ARHGAP28: variants seen among roughly 807,000 people sequenced by gnomAD.
The protein encoded by ARHGAP28 is rho GTPase-activating protein 28.
Under a neutral mutation model 90.7 loss-of-function variants are expected in ARHGAP28, and 56 were observed. That is an observed-to-expected ratio of 0.62 (90% confidence interval 0.50 to 0.77). The LOEUF (loss-of-function observed/expected upper bound fraction) is 0.77. ARHGAP28 is among the 30% of genes least tolerant of loss of function. The probability of loss-of-function intolerance (pLI) is 0.00; values close to 1 mark genes in which losing one functional copy is unlikely to be tolerated. For missense variants in ARHGAP28, 869 were observed against 900.9 expected, an observed-to-expected ratio of 0.96 and a Z score of 0.45; for synonymous variants, 308 against 323.3, an observed-to-expected ratio of 0.95 and a Z score of 0.51.
At chr18:6,901,267 T>G (rs1413647683) in intron 16 of ARHGAP28, among the ~76,000 whole-genome samples, 1 of 152,172 alleles carries the variant, frequency 6.6e-6, no homozygotes, top group Non-Finnish European at 1.5e-5. Flanking sequence ...TAAATCACAT[T>G]TGATGAGAGA....
At chr18:6,812,346 T>C (rs1215363427) in intron 1 of ARHGAP28, among the ~76,000 whole-genome samples, 2 of 152,194 alleles carry the variant, frequency 1.3e-5, no homozygotes, top group Non-Finnish European at 2.9e-5. Flanking sequence ...AGTAAATAAG[T>C]GAAATGCAAG....
At chr18:6,803,789 A>AT (rs1383696764) in intron 1 of ARHGAP28, among the ~76,000 whole-genome samples, 2 of 151,372 alleles carry the variant, frequency 1.3e-5, no homozygotes, top group Non-Finnish European at 2.9e-5. Flanking sequence ...TTATTTATTT[A>AT]TTTTTTTGAG....
At chr18:6,751,011 T>C (rs879413629) in intron 1 of ARHGAP28, among the ~76,000 whole-genome samples, 3 of 152,174 alleles carry the variant, frequency 2.0e-5, no homozygotes, top group Non-Finnish European at 4.4e-5. Context: ...TACTCCTCTG[T>C]AGCTGACCCC....
At chr18:6,892,738 A>G (rs1307370923) in intron 14 of ARHGAP28, among the ~76,000 whole-genome samples, 6 of 152,172 alleles carry the variant, frequency 3.9e-5, no homozygotes, top group Admixed American at 2.0e-4. Context: ...TTGTGTGACT[A>G]TGGAAGTCTG....
intron 1 of ARHGAP28, among the ~76,000 whole-genome samples, chr18:6,796,401 C>T (rs921528523): frequency 2.0e-5 from 3 of 152,108 alleles, no homozygotes; most frequent in African/African-American, 7.2e-5. Context: ...CCTGTCTTTC[C>T]CACACATCAA....
chr18:6,808,212 A>G (rs537438023), intron 1 of ARHGAP28, among the ~76,000 whole-genome samples: 7 of 152,052 alleles, frequency 4.6e-5, no homozygotes, highest in African/African-American at 1.7e-4. Flanking sequence ...TTTATTCACC[A>G]GTATCTAATG....
At chr18:6,839,447 C>T (rs1376257478) in intron 3 of ARHGAP28, among the ~76,000 whole-genome samples, 1 of 152,096 alleles carries the variant, frequency 6.6e-6, no homozygotes, top group Non-Finnish European at 1.5e-5. Context: ...GCGCCAGCCA[C>T]CACGCCTGGC....
chr18:6,851,213 C>A, intron 4 of ARHGAP28, 87 bp downstream of exon 4: 2 of 1,192,776 alleles, frequency 1.7e-6, no homozygotes, highest in Non-Finnish European at 1.2e-6. Context: ...AAAAGTGCAA[C>A]ATAATTAAGA....
chr18:6,907,682 G>T (rs1458444236), intron 16 of ARHGAP28, among the ~76,000 whole-genome samples: 1 of 152,166 alleles, frequency 6.6e-6, no homozygotes, highest in Non-Finnish European at 1.5e-5. Flanking sequence ...AGTGAATGTG[G>T]CTATAAAGAG....
chr18:6,767,569 A>G (rs1411850955), intron 1 of ARHGAP28, among the ~76,000 whole-genome samples: 2 of 152,138 alleles, frequency 1.3e-5, no homozygotes, highest in African/African-American at 4.8e-5. Context: ...TTTATGAAGG[A>G]TAACTTCACT....
intron 1 of ARHGAP28, among the ~76,000 whole-genome samples, chr18:6,759,791 C>T (rs2056143624): frequency 8.2e-6 from 1 of 121,932 alleles, no homozygotes; most frequent in Non-Finnish European, 1.9e-5. Flanking sequence ...TAAAGAATAA[C>T]GTGACTTTAA....
At chr18:6,835,688 A>T (rs1398514771) in intron 2 of ARHGAP28, among the ~76,000 whole-genome samples, 1 of 152,158 alleles carries the variant, frequency 6.6e-6, no homozygotes, top group Non-Finnish European at 1.5e-5. Flanking sequence ...GTTACAGGAC[A>T]CTGTTATTCT....
At chr18:6,751,407 G>A (rs1567935151) in intron 1 of ARHGAP28, among the ~76,000 whole-genome samples, 1 of 151,994 alleles carries the variant, frequency 6.6e-6, no homozygotes, top group South Asian at 2.1e-4. Context: ...GAGTTTCCAT[G>A]ACCTCATTGT....
intron 1 of ARHGAP28, among the ~76,000 whole-genome samples, chr18:6,788,244 C>G (rs2056380343): frequency 1.3e-5 from 2 of 152,076 alleles, no homozygotes; most frequent in Admixed American, 6.5e-5. Flanking sequence ...CTCCCTCAGC[C>G]CCTTCCTCCT....
chr18:6,859,909 A>G lies in ARHGAP28; in HGVS notation c.726+12A>G, dbSNP rs2056984573. 6.2e-7 allele frequency: 1 copy of G among 1,610,190 alleles called. No homozygotes were observed. Among genetic ancestry groups the G allele is most frequent in the African/African-American group, 1.3e-5 (1 of 74,956 alleles). ...GGAGTGACTCTGTGGTAAGTCATCC[A>G]TGTCAGCACAGTTACATGTCAAGGT... On this transcript the variant is annotated intron_variant, in intron 5 of 17. Coordinates refer to ENST00000383472, the MANE Select transcript of ARHGAP28 (RefSeq NM_001366230.1).
intron 1 of ARHGAP28, among the ~76,000 whole-genome samples, chr18:6,783,664 C>A (rs1490601739): frequency 6.6e-6 from 1 of 152,180 alleles, no homozygotes; most frequent in East Asian, 1.9e-4. Flanking sequence ...TTCACTCTTA[C>A]TCTCCTACAC....
At chr18:6,830,752 C>T (rs942745035) in intron 2 of ARHGAP28, among the ~76,000 whole-genome samples, 15 of 152,042 alleles carry the variant, frequency 9.9e-5, no homozygotes, top group African/African-American at 3.4e-4. Flanking sequence ...TCATAGATAC[C>T]AGGATTTAAG....
At chr18:6,894,341 A>G (rs1173314868) in intron 14 of ARHGAP28, among the ~76,000 whole-genome samples, 1 of 152,238 alleles carries the variant, frequency 6.6e-6, no homozygotes, top group East Asian at 1.9e-4. Context: ...ATGCAGGTGT[A>G]TAAACCTTCT....
intron 10 of ARHGAP28, among the ~76,000 whole-genome samples, chr18:6,880,363 C>T (rs1476480665): frequency 6.6e-6 from 1 of 152,152 alleles, no homozygotes; most frequent in Non-Finnish European, 1.5e-5. Flanking sequence ...TTAGTTATCC[C>T]TCCCTGGAAG....
Sources: allele counts gnomAD v4.1 joint callset (sites outside exome capture counted in the v4.1 genomes callset), GRCh38; gene constraint gnomAD v4.1.1; transcripts MANE v1.5; gene names NCBI Gene and HGNC (gene_info 2026-07-23, HGNC 2026-07-21).